Variants in TENM3 observed in about 807,000 individuals in gnomAD.
TENM3 encodes teneurin-3.
In TENM3, 63 loss-of-function variants were observed where a neutral mutation model predicts 255.1. That is an observed-to-expected ratio of 0.25 (90% CI 0.20 to 0.30). The LOEUF is 0.30. Ranked by LOEUF, TENM3 falls within the 10% of genes least tolerant of loss-of-function variation. TENM3 has a pLI of 1.00. For synonymous variants in TENM3, 1,306 were observed against 1,322.3 expected (o/e 0.99, Z 0.27); for missense variants, 2,929 against 3,461.1 (o/e 0.85, Z 3.86).
rs369636783 is a variant in TENM3 at position 182,347,032 on chromosome 4, CCTT to C, written c.511+107_511+109del. ...TTTTTCTTTCTCTCCTTCCTCTCATCCTTCTTTCTCTCTCTTTCTTGTCCATTT... is the reference window on the plus strand; with the variant it reads ...TTTTTCTTTCTCTCCTTCCTCTCATCCTTTCTCTCTCTTTCTTGTCCATTT... On this transcript the variant is annotated intron_variant, in intron 3 of 27. Coordinates refer to ENST00000511685, the MANE Select transcript of TENM3 (RefSeq NM_001080477.4). 1,027 of 975,354 alleles carry C rather than the reference CCTT, an allele frequency of 1.1e-3. 6 individuals are homozygous for C. The African/African-American group carries it at 0.015, about 14-fold the overall frequency. The allele number at this position is 975,354 out of a possible 1,614,324, so 60.4% of individuals were successfully genotyped here. A position where few individuals can be genotyped will look rare whatever the true frequency, so the allele number is the denominator to read the frequency against.
chr4:181,625,667 A>G, the TENM3 span, among the ~76,000 whole-genome samples: 107 of 152,138 alleles, frequency 7.0e-4, no homozygotes, highest in African/African-American at 2.5e-3. Context: ...AAAAAAAATT[A>G]GCCGGGTGTG....
At chr4:182,103,760 A>C in the TENM3 span, among the ~76,000 whole-genome samples, 1 of 152,214 alleles carries the variant, frequency 6.6e-6, no homozygotes, top group Non-Finnish European at 1.5e-5. Flanking sequence ...TGCCATTATA[A>C]TAATGGTTAT....
the TENM3 span, among the ~76,000 whole-genome samples, chr4:181,468,132 C>CTAAAAAAA: frequency 7.6e-6 from 1 of 130,740 alleles, no homozygotes; most frequent in East Asian, 2.3e-4. Flanking sequence ...CCCATCTGTA[C>CTAAAAAAA]AAAAAAAAAA....
chr4:181,595,877 G>A, the TENM3 span, among the ~76,000 whole-genome samples: 3 of 152,132 alleles, frequency 2.0e-5, no homozygotes, highest in East Asian at 1.9e-4. Context: ...TTCAGGTCTC[G>A]GTTCAGATAA....
chr4:182,303,971 A>T lies in TENM3; in HGVS notation c.-75-19975A>T, dbSNP rs190926577. Among the ~76,000 whole-genome samples, 252 of 152,282 alleles carry T rather than the reference A, an allele frequency of 1.7e-3. 1 individual carries two copies. The highest frequency in any genetic ancestry group is 5.9e-3 in the African/African-American group (244 of 41,576). ...CCTGCTCAACGATTATTTTTTCAAGATAGAAATTTTACCATAATAAAAGTC... is the reference window on the plus strand; with the variant it reads ...CCTGCTCAACGATTATTTTTTCAAGTTAGAAATTTTACCATAATAAAAGTC... On this transcript the variant is annotated intron_variant, in intron 1 of 27. Transcript: ENST00000511685.
At chr4:182,021,839 T>A in the TENM3 span, among the ~76,000 whole-genome samples, 2 of 152,188 alleles carry the variant, frequency 1.3e-5, no homozygotes, top group African/African-American at 4.8e-5. Context: ...AAAAAGCATG[T>A]ATCACCTTTC....
At chr4:181,517,113 C>A in the TENM3 span, among the ~76,000 whole-genome samples, 2 of 151,564 alleles carry the variant, frequency 1.3e-5, no homozygotes, top group Non-Finnish European at 2.9e-5. Flanking sequence ...ACAATTATAT[C>A]CTTAATGAAT....
Position 182,648,429 on chromosome 4 carries a change from G to A in TENM3, c.989-5342G>A, listed in dbSNP as rs556246458. On this transcript the variant is annotated intron_variant, in intron 5 of 27. Transcript: ENST00000511685. ...CTCCCAAATAACTGGGATTACAGGC[G>A]CCTGCCACTACACTTGATTAATTTT... Among the ~76,000 whole-genome samples, 13 of 151,586 alleles carry A rather than the reference G, an allele frequency of 8.6e-5. No individual in the cohort carries two copies. The East Asian group carries it at 1.4e-3, about 16-fold the overall frequency.
the TENM3 span, among the ~76,000 whole-genome samples, chr4:181,893,826 C>T: frequency 1.3e-5 from 2 of 151,974 alleles, no homozygotes; most frequent in African/African-American, 4.8e-5. Flanking sequence ...AGAGCCATCC[C>T]GATATTTTAC....
At chr4:182,748,466 C>G (rs1198532277) in intron 19 of TENM3, among the ~76,000 whole-genome samples, 1 of 152,174 alleles carries the variant, frequency 6.6e-6, no homozygotes, top group Non-Finnish European at 1.5e-5. Context: ...ACACACCCGC[C>G]TCTTCAGTGC....
chr4:182,425,398 G>A (rs1580494896), intron 3 of TENM3, among the ~76,000 whole-genome samples: 1 of 152,136 alleles, frequency 6.6e-6, no homozygotes, highest in African/African-American at 2.4e-5. Context: ...CCTCTGTAAG[G>A]ATCACAAATC....
chr4:182,189,471 A>C (rs1753374993), intron 1 of TENM3, among the ~76,000 whole-genome samples: 1 of 152,202 alleles, frequency 6.6e-6, no homozygotes, highest in African/African-American at 2.4e-5. Context: ...TAAGAAAGTC[A>C]AAAGTTAGGG....
chr4:182,325,910 T>G (rs577624880), intron 2 of TENM3, among the ~76,000 whole-genome samples: 1 of 152,230 alleles, frequency 6.6e-6, no homozygotes, highest in African/African-American at 2.4e-5. Flanking sequence ...CTACACAGGT[T>G]AAAAATAGCG....
At chr4:181,453,269 T>A in the TENM3 span, among the ~76,000 whole-genome samples, 1 of 151,852 alleles carries the variant, frequency 6.6e-6, no homozygotes, top group Non-Finnish European at 1.5e-5. Context: ...CCTGATGGAG[T>A]CGAATAATAG....
the TENM3 span, among the ~76,000 whole-genome samples, chr4:181,855,500 C>T: frequency 1.5e-4 from 23 of 152,098 alleles, no homozygotes; most frequent in African/African-American, 4.8e-4. Flanking sequence ...ATCCCAAGTA[C>T]GTTATTTTTG....
At chr4:182,607,395 A>G (rs1400932625) in intron 4 of TENM3, among the ~76,000 whole-genome samples, 2 of 152,198 alleles carry the variant, frequency 1.3e-5, no homozygotes, top group East Asian at 3.9e-4. Context: ...AAGTAGGTGG[A>G]TTTTTGTAGG....
intron 3 of TENM3, among the ~76,000 whole-genome samples, chr4:182,404,730 C>T (rs1769443233): frequency 6.6e-6 from 1 of 152,206 alleles, no homozygotes; most frequent in Non-Finnish European, 1.5e-5. Context: ...TTCATTAATG[C>T]ATTCACTTAT....
intron 1 of TENM3, among the ~76,000 whole-genome samples, chr4:182,315,955 T>A (rs1172835104): frequency 6.6e-6 from 1 of 152,206 alleles, no homozygotes; most frequent in African/African-American, 2.4e-5. Context: ...TTTTTATATA[T>A]GCCATGTCTC....
chr4:182,102,748 C>G, the TENM3 span, among the ~76,000 whole-genome samples: 3 of 152,166 alleles, frequency 2.0e-5, no homozygotes, highest in African/African-American at 7.2e-5. Flanking sequence ...CAGAATCTGA[C>G]CTTGGCCCGT....
Sources: gnomAD v4.1 joint callset for allele counts (sites outside exome capture counted in the v4.1 genomes callset) on GRCh38, gnomAD v4.1.1 for gene constraint, MANE v1.5 for transcripts, NCBI Gene and HGNC (gene_info 2026-07-23, HGNC 2026-07-21) for gene names.